XYLT2: variants seen among roughly 807,000 people sequenced by gnomAD.
XYLT2 encodes the protein UDP-D-xylose:proteoglycan core protein beta-D-xylosyltransferase.
XYLT2 carries 37 observed loss-of-function variants against 82.6 expected under a neutral mutation model. That is an observed-to-expected ratio of 0.45 (90% CI 0.34 to 0.59). The LOEUF is 0.59. Among genes scored for constraint, XYLT2 ranks in the 20% least tolerant of loss-of-function variants. The probability of loss-of-function intolerance (pLI) is 0.01; values close to 1 mark genes in which losing one functional copy is unlikely to be tolerated. For missense variants in XYLT2, 934 were observed against 1,181.3 expected, an observed-to-expected ratio of 0.79 and a Z score of 3.07; for synonymous variants, 474 against 499.0, an observed-to-expected ratio of 0.95 and a Z score of 0.67.
Position 50,346,283 on chromosome 17 carries a change from G to A in XYLT2, c.135+8G>A. 2 of 1,104,350 alleles carry A rather than the reference G, an allele frequency of 1.8e-6. No homozygotes were observed. Among genetic ancestry groups the A allele is most frequent in the Non-Finnish European group, 2.2e-6 (2 of 899,000 alleles). The allele number at this position is 1,104,350 out of a possible 1,614,324, so 68.4% of individuals were successfully genotyped here. On this transcript the variant is annotated splice_region_variant and intron_variant, in intron 1 of 10. Transcript: ENST00000017003. This position sits in a 1 kb window ranked among gnomAD's most constrained non-coding sequence, Gnocchi z 5.1. Reference sequence around the variant, plus strand: ...GAGGACGAGGCGGGCGAGGTGCTCCGACGGCCGGGCGGGCGGGCAGGCCGG... The same window carrying A: ...GAGGACGAGGCGGGCGAGGTGCTCCAACGGCCGGGCGGGCGGGCAGGCCGG...
At chr17:50,354,358 C>G (rs1331224757) in intron 2 of XYLT2, 50 bp from the exon 3 acceptor site, 2 of 1,548,542 alleles carry the variant, frequency 1.3e-6, no homozygotes, top group East Asian at 4.5e-5. Flanking sequence ...ATCTCACCCC[C>G]ACCCTGTGAC....
intron 1 of XYLT2, among the ~76,000 whole-genome samples, chr17:50,350,139 CG>C (rs1912197054): frequency 1.5e-5 from 2 of 133,378 alleles, no homozygotes; most frequent in Admixed American, 8.7e-5. Flanking sequence ...GCTGAGATCA[CG>C]CTACTGCACT....
Position 50,346,501 on chromosome 17 carries a change from G to A in XYLT2, c.135+226G>A. ...TGCGTGACCTGGAGACCCGGGCCCT[G>A]GTGGATTGGGAGTCGGGCGGGGGGA... On this transcript the variant is annotated intron_variant, in intron 1 of 10. Coordinates refer to ENST00000017003, the MANE Select transcript of XYLT2 (RefSeq NM_022167.4). The surrounding 1 kb of genome is among the most constrained non-coding windows in gnomAD (Gnocchi z 5.1). The A allele has an allele frequency of 2.4e-6, 2 of 848,192 alleles. No individual in the cohort carries two copies. Among genetic ancestry groups the A allele is most frequent in the Non-Finnish European group, 2.8e-6 (2 of 704,554 alleles). 52.5% of individuals were successfully genotyped at this position (848,192 alleles called of 1,614,324 possible). A position where few individuals can be genotyped will look rare whatever the true frequency, so the allele number is the denominator to read the frequency against.
chr17:50,355,408 A>G lies in XYLT2; in HGVS notation c.1008-93A>G, dbSNP rs2143221059. 3.6e-6 allele frequency: 5 copies of G among 1,379,766 alleles called. No homozygotes were observed. In the East Asian group the frequency reaches 6.9e-5, roughly 19 times the overall value. The allele number at this position is 1,379,766 out of a possible 1,614,324, so 85.5% of individuals were successfully genotyped here. On this transcript the variant is annotated intron_variant, in intron 4 of 10. Coordinates refer to ENST00000017003, the MANE Select transcript of XYLT2 (RefSeq NM_022167.4). ...GGGTAGGGCACATGGCCAGCCAGCAATCAGGCAGAGAAGAAAAGCCAGAAG... is the reference window on the plus strand; with the variant it reads ...GGGTAGGGCACATGGCCAGCCAGCAGTCAGGCAGAGAAGAAAAGCCAGAAG...
chr17:50,357,287 C>A (rs773257235), intron 9 of XYLT2, 35 bp downstream of exon 9: 1 of 1,519,398 alleles, frequency 6.6e-7, no homozygotes, highest in Non-Finnish European at 8.8e-7. Flanking sequence ...TCTCCCAACC[C>A]CCACCCAGAC....
Position 50,350,258 on chromosome 17 carries a change from T to C in XYLT2, c.136-3372T>C, listed in dbSNP as rs567322534. Reference sequence around the variant, plus strand: ...CCTATGCCAAAAGCTTTGCATTCATTCATTCATTCATTCAAAAAATACTAA... The same window carrying C: ...CCTATGCCAAAAGCTTTGCATTCATCCATTCATTCATTCAAAAAATACTAA... On this transcript the variant is annotated intron_variant, in intron 1 of 10. Transcript: ENST00000017003. 1.9e-4 allele frequency among the ~76,000 whole-genome samples: 19 copies of C among 98,512 alleles called. 3 individuals are homozygous for C. Among genetic ancestry groups the C allele is most frequent in the African/African-American group, 4.7e-4 (14 of 29,728 alleles). 64.6% of individuals were successfully genotyped at this position (98,512 alleles called of 152,430 possible).
In XYLT2 at chr17:50,360,852, T is replaced by C. The variant is rs1912779140; in HGVS notation, c.*561T>C. ...TCTAAGGCCCGAAGAACAGGTGATATCGGGGGCGCTGCAGAGCTGGGCTCT... is the reference window on the plus strand; with the variant it reads ...TCTAAGGCCCGAAGAACAGGTGATACCGGGGGCGCTGCAGAGCTGGGCTCT... On this transcript the variant is annotated 3_prime_UTR_variant, in exon 11 of 11. Transcript: ENST00000017003. The C allele has an allele frequency of 2.0e-6, 2 of 985,820 alleles. No individual in the cohort carries two copies. The highest frequency in any genetic ancestry group is 2.4e-6 in the Non-Finnish European group (2 of 829,962). The allele number at this position is 985,820 out of a possible 1,614,324, so 61.1% of individuals were successfully genotyped here.
intron 4 of XYLT2, 138 bp from the exon 5 acceptor site, chr17:50,355,363 C>A: frequency 1.1e-6 from 1 of 932,582 alleles, no homozygotes; most frequent in Non-Finnish European, 1.6e-6. Flanking sequence ...CTGGTGCTCA[C>A]CACCCCAGAC....
chr17:50,360,139 C>T lies in XYLT2; in HGVS notation c.2446C>T (p.Leu816=), dbSNP rs1912738756. 3 of 1,614,048 alleles carry T rather than the reference C, an allele frequency of 1.9e-6. No homozygotes were observed. The East Asian group carries it at 6.7e-5, about 36-fold the overall frequency. Residue 816 remains leucine, a synonymous_variant, in exon 11 of 11, where the codon CTG becomes TTG. Transcript: ENST00000017003. ...GCTCGAGGCCTGGACAGACAGGGAA[C>T]TGAGCAGCTTCTGGTCCGTGGCTGG... is the stretch of plus-strand genomic sequence containing the variant. The part of the protein sequence containing the change: ...PALEAWTDRE[L]SSFWSVAGLC...
Position 50,360,094 on chromosome 17 carries a change from A to G in XYLT2, c.2401A>G (p.Thr801Ala). Residue 801 changes from threonine to alanine, a missense_variant, in exon 11 of 11, where the codon ACA becomes GCA. By Grantham distance (58) the Thr-to-Ala change is moderately conservative (BLOSUM62 0). Coordinates refer to ENST00000017003, the MANE Select transcript of XYLT2 (RefSeq NM_022167.4). ...CGCGGAGGAGGCTGCCCAGCGGCAC[A>G]CACAGCTCACAGGCCCTGCGCTCGA... ...ELAEEAAQRHTQLTGPALEAW... is the reference protein window; with the variant it reads ...ELAEEAAQRHAQLTGPALEAW... 1 of 1,613,950 alleles carries G rather than the reference A, an allele frequency of 6.2e-7. No individual in the cohort carries two copies. Among genetic ancestry groups the G allele is most frequent in the East Asian group, 2.2e-5 (1 of 44,882 alleles).
rs371855496 is a variant in XYLT2 at position 50,353,918 on chromosome 17, G to A, written c.424G>A (p.Gly142Arg). The stretch of plus-strand genomic sequence containing the variant: ...AGGGGCAGCTGGCTTCCCACCACAC[G>A]GAGATACAGGGAGCGTGGAGGGCGC... Reference protein sequence around the residue: ...LVGAAGFPPHGDTGSVEGAPQ... With the variant: ...LVGAAGFPPHRDTGSVEGAPQ... The change falls in exon 2 of 11, where the codon GGA (glycine) becomes AGA (arginine). Residue 142 changes from glycine to arginine, a missense_variant. This residue lies in a region of XYLT2 where 371 missense variants were observed against 394.9 expected (regional missense o/e 0.94). Transcript: ENST00000017003. The A allele has an allele frequency of 2.4e-5, 39 of 1,608,180 alleles. No homozygotes were observed. Among genetic ancestry groups the A allele is most frequent in the African/African-American group, 1.1e-4 (8 of 74,922 alleles).
At position 50,360,232 on chromosome 17, in the gene XYLT2, C is replaced by G. The variant is rs777580199; in HGVS notation, c.2539C>G (p.Leu847Val). The G allele has an allele frequency of 1.9e-6, 3 of 1,613,494 alleles. No individual in the cohort carries two copies. The highest frequency in any genetic ancestry group is 1.7e-6 in the Non-Finnish European group (2 of 1,179,756). ...CTGCAGACTGACCAGCTGGAGCTCT[C>G]TGTCCCCCGACCCCAAATCAGAGCT... The part of the protein sequence containing the change: ...EPCRLTSWSS[L>V]SPDPKSELGP... Residue 847 changes from leucine (L) to valine (V), a missense_variant, in exon 11 of 11, where the codon CTG becomes GTG. Leu to Val is a conservative substitution (Grantham distance 32). Around this residue, in one of 3 missense-constraint regions of XYLT2, gnomAD observed 374 missense variants for 465.6 expected, o/e 0.80. Transcript: ENST00000017003.
Position 50,360,314 on chromosome 17 carries a change from G to A in XYLT2, c.*23G>A, listed in dbSNP as rs2143249043. The A allele has an allele frequency of 3.2e-6, 5 of 1,545,824 alleles. No individual in the cohort carries two copies. Among genetic ancestry groups the A allele is most frequent in the Non-Finnish European group, 4.4e-6 (5 of 1,145,026 alleles). On this transcript the variant is annotated 3_prime_UTR_variant, in exon 11 of 11. Transcript: ENST00000017003. ...TAGCAGGGCCCCAGCCAGTACCCGT[G>A]GAGGACCCGGGAAATTGCACCTTAC...
intron 4 of XYLT2, 71 bp downstream of exon 4, chr17:50,355,127 T>A: frequency 1.4e-6 from 2 of 1,462,414 alleles, no homozygotes; most frequent in Non-Finnish European, 1.8e-6. Flanking sequence ...GTTGGAGGGC[T>A]TTGGTGGACC....
intron 1 of XYLT2, among the ~76,000 whole-genome samples, chr17:50,348,258 A>G (rs868136623): frequency 4.6e-5 from 7 of 152,198 alleles, no homozygotes; most frequent in Middle Eastern, 3.2e-3. Context: ...AAGGAATTTA[A>G]TAGAATTACA....
chr17:50,354,461 G>C lies in XYLT2; in HGVS notation c.682G>C (p.Asp228His). ...TGAGAGCCAAGCCCAGCAGCCCATG[G>C]ATGGCCCCCCGGTGCGAATCGCCTA... is the stretch of plus-strand genomic sequence containing the variant. ...WDESQAQQPM[D>H]GPPVRIAYML... The change falls in exon 3 of 11, where the codon GAT (aspartate) becomes CAT (histidine). Residue 228 changes from aspartate to histidine, a missense_variant. Asp to His is a moderately conservative substitution (Grantham distance 81). Transcript: ENST00000017003. 6.2e-7 allele frequency: 1 copy of C among 1,612,298 alleles called. No homozygotes were observed. Among genetic ancestry groups the C allele is most frequent in the Non-Finnish European group, 8.5e-7 (1 of 1,179,860 alleles).
chr17:50,348,455 G>T (rs1912128214), intron 1 of XYLT2, among the ~76,000 whole-genome samples: 1 of 152,186 alleles, frequency 6.6e-6, no homozygotes, highest in African/African-American at 2.4e-5. Flanking sequence ...AGAGCAAGGG[G>T]CAAGGGTTTT....
chr17:50,353,809 C>T lies in XYLT2; in HGVS notation c.315C>T (p.Ala105=). The T allele has an allele frequency of 3.2e-6, 5 of 1,573,258 alleles. No individual in the cohort carries two copies. The highest frequency in any genetic ancestry group is 4.3e-6 in the Non-Finnish European group (5 of 1,160,372). ...GGGCAGTAACCAGCCGGCAGAGAGCCAGCCGGCGGGTCCCACCTGCCCCAC... is the reference window on the plus strand; with the variant it reads ...GGGCAGTAACCAGCCGGCAGAGAGCTAGCCGGCGGGTCCCACCTGCCCCAC... ...VVRAVTSRQR[A]SRRVPPAPPP... Residue 105 remains alanine (A), a synonymous_variant, in exon 2 of 11, where the codon GCC becomes GCT. Coordinates refer to ENST00000017003, the MANE Select transcript of XYLT2 (RefSeq NM_022167.4).
In XYLT2 at chr17:50,356,493, T is replaced by G; in HGVS notation, c.1483-18T>G. On this transcript the variant is annotated intron_variant, in intron 7 of 10. Coordinates refer to ENST00000017003, the MANE Select transcript of XYLT2 (RefSeq NM_022167.4). ...GGGCTTCCAGAGCCCTTCACCCTCC[T>G]TGCCTCTCCCACTCCAGCAAGTCTC... is the stretch of plus-strand genomic sequence containing the variant. The G allele has an allele frequency of 1.2e-6, 2 of 1,612,520 alleles. No individual in the cohort carries two copies. The highest frequency in any genetic ancestry group is 1.7e-6 in the Non-Finnish European group (2 of 1,179,198).
Sources: gnomAD v4.1 joint callset for allele counts (sites outside exome capture counted in the v4.1 genomes callset) on GRCh38, gnomAD v4.1.1 for gene constraint, gnomAD v4.1.1 regional missense constraint, Gnocchi (gnomAD v3.1) non-coding constraint, MANE v1.5 for transcripts, NCBI Gene and HGNC (gene_info 2026-07-23, HGNC 2026-07-21) for gene names.